Variants in CRTC3 observed in about 807,000 individuals in gnomAD.
The protein encoded by CRTC3 is CREB-regulated transcription coactivator 3.
Under a neutral mutation model 74.5 loss-of-function variants are expected in CRTC3, and 26 were observed. The observed-to-expected ratio is 0.35, with a 90% CI of 0.26 to 0.48. The LOEUF (loss-of-function observed/expected upper bound fraction) is 0.48. Among genes scored for constraint, CRTC3 ranks in the 20% least tolerant of loss-of-function variants. The probability of loss-of-function intolerance (pLI) is 0.99; values close to 1 mark genes in which losing one functional copy is unlikely to be tolerated. For missense variants in CRTC3, 760 were observed against 787.3 expected, an observed-to-expected ratio of 0.97 and a Z score of 0.41; for synonymous variants, 377 against 325.8, an observed-to-expected ratio of 1.16 and a Z score of -1.69.
At chr15:90,585,360 G>T (rs1031833037) in intron 2 of CRTC3, among the ~76,000 whole-genome samples, 3 of 152,132 alleles carry the variant, frequency 2.0e-5, no homozygotes, top group African/African-American at 7.2e-5. Flanking sequence ...GCCCAGGCTG[G>T]TCTCGAACTC....
chr15:90,605,730 A>C (rs1448334590), intron 5 of CRTC3, among the ~76,000 whole-genome samples: 1 of 152,144 alleles, frequency 6.6e-6, no homozygotes, highest in Non-Finnish European at 1.5e-5. Context: ...GTGGCTTCAT[A>C]GCCACCTGAG....
chr15:90,615,739 C>T (rs1283532190), intron 7 of CRTC3, among the ~76,000 whole-genome samples: 1 of 152,236 alleles, frequency 6.6e-6, no homozygotes, highest in Non-Finnish European at 1.5e-5. Flanking sequence ...TTCTTATAAC[C>T]AACCTCTTGT....
intron 3 of CRTC3, chr15:90,598,103 A>C (rs1283003926): frequency 3.7e-6 from 1 of 268,242 alleles, no homozygotes; most frequent in East Asian, 8.6e-5. Flanking sequence ...GGAAGGTCTC[A>C]GGCCTGCCCC....
intron 2 of CRTC3, among the ~76,000 whole-genome samples, chr15:90,569,978 GATCT>G (rs547995022): frequency 1.4e-4 from 21 of 152,112 alleles, no homozygotes. Flanking sequence ...AGTAAAATAT[GATCT>G]ATCAGCTCAG....
rs188062902 is a variant in CRTC3 at position 90,545,708 on chromosome 15, C to G, written c.231+5571C>G. ...TCTCCTGCCTCAGCCTCCCAAGTAG[C>G]TGGGACTACAGGCACCTGCCACCAC... is the stretch of plus-strand genomic sequence containing the variant. On this transcript the variant is annotated intron_variant, in intron 2 of 14. Coordinates refer to ENST00000268184, the MANE Select transcript of CRTC3 (RefSeq NM_022769.5). Among the ~76,000 whole-genome samples the G allele has an allele frequency of 3.6e-3, 544 of 152,024 alleles. 3 individuals carry two copies. The highest frequency in any genetic ancestry group is 0.012 in the African/African-American group (503 of 41,506).
intron 11 of CRTC3, 31 bp downstream of exon 11, chr15:90,629,563 A>G (rs1194607975): frequency 1.2e-6 from 2 of 1,605,916 alleles, no homozygotes; most frequent in African/African-American, 2.7e-5. Context: ...CAACCACTAC[A>G]GTGAAACAGA....
intron 9 of CRTC3, 64 bp from the exon 10 acceptor site, chr15:90,625,712 C>T: frequency 1.4e-6 from 2 of 1,413,072 alleles, no homozygotes; most frequent in Non-Finnish European, 2.0e-6. Context: ...AGGTTTCAGC[C>T]ATGTTTGGTT....
In CRTC3 at chr15:90,642,976, C is replaced by G. The variant is rs912558740; in HGVS notation, c.*836C>G. 4.3e-6 allele frequency: 1 copy of G among 232,752 alleles called. No homozygotes were observed. Among genetic ancestry groups the G allele is most frequent in the African/African-American group, 2.2e-5 (1 of 45,418 alleles). 14.4% of individuals were successfully genotyped at this position (232,752 alleles called of 1,614,324 possible). ...CTCCAGACAAGCACAGACCTCCCCA[C>G]TAAGAGCAGCCAGAGGGAGCTGGTG... On this transcript the variant is annotated 3_prime_UTR_variant, in exon 15 of 15. Coordinates refer to ENST00000268184, the MANE Select transcript of CRTC3 (RefSeq NM_022769.5).
In CRTC3 at chr15:90,530,231, GGCGGCC is replaced by G. The variant is rs780945415; in HGVS notation, c.132+29_132+34del. ...GAGGGCCCGGGCCGGCGCGGGCGGG[GGCGGCC>G]ACGGCCGCGGGCGGGACCCGCGCGG... is the stretch of plus-strand genomic sequence containing the variant. On this transcript the variant is annotated intron_variant, in intron 1 of 14. Transcript: ENST00000268184. This position sits in a 1 kb window ranked among gnomAD's most constrained non-coding sequence, Gnocchi z 6.2. 47 of 1,083,486 alleles carry G rather than the reference GGCGGCC, an allele frequency of 4.3e-5. 1 individual carries two copies. In the East Asian group the frequency reaches 2.3e-3, roughly 54 times the overall value. The allele number at this position is 1,083,486 out of a possible 1,614,324, so 67.1% of individuals were successfully genotyped here.
At chr15:90,639,667 C>T (rs1422944449) in intron 13 of CRTC3, among the ~76,000 whole-genome samples, 1 of 151,164 alleles carries the variant, frequency 6.6e-6, no homozygotes, top group South Asian at 2.1e-4. Context: ...CCAGGCTAAT[C>T]TTGAACTCCG....
intron 2 of CRTC3, among the ~76,000 whole-genome samples, chr15:90,543,257 G>A (rs1966833130): frequency 7.0e-6 from 1 of 143,650 alleles, no homozygotes; most frequent in African/African-American, 2.6e-5. Context: ...GCTCACATGG[G>A]GCCACAGTAC....
At chr15:90,612,067 T>TCCTCCTCCTCCTCCG (rs1567184130) in intron 6 of CRTC3, among the ~76,000 whole-genome samples, 3 of 42,880 alleles carry the variant, frequency 7.0e-5, no homozygotes, top group East Asian at 1.8e-3. Flanking sequence ...CGCCTCCACC[T>TCCTCCTCCTCCTCCG]CCTCCTCCTC....
At position 90,642,972 on chromosome 15, in the gene CRTC3, C is replaced by G; in HGVS notation, c.*832C>G. On this transcript the variant is annotated 3_prime_UTR_variant, in exon 15 of 15. Coordinates refer to ENST00000268184, the MANE Select transcript of CRTC3 (RefSeq NM_022769.5). ...CAAACTCCAGACAAGCACAGACCTC[C>G]CCACTAAGAGCAGCCAGAGGGAGCT... 2 of 232,770 alleles carry G rather than the reference C, an allele frequency of 8.6e-6. No homozygotes were observed. Among genetic ancestry groups the G allele is most frequent in the Non-Finnish European group, 1.7e-5 (2 of 117,746 alleles). The allele number at this position is 232,770 out of a possible 1,614,324, so 14.4% of individuals were successfully genotyped here.
chr15:90,610,836 AG>A (rs933109092), intron 6 of CRTC3, among the ~76,000 whole-genome samples: 41 of 152,224 alleles, frequency 2.7e-4, no homozygotes, highest in African/African-American at 9.6e-4. Context: ...TCTTCCTTTC[AG>A]GGAACAGTCT....
At chr15:90,592,799 A>C (rs1338363127) in intron 2 of CRTC3, among the ~76,000 whole-genome samples, 1 of 152,198 alleles carries the variant, frequency 6.6e-6, no homozygotes, top group Non-Finnish European at 1.5e-5. Flanking sequence ...TCCCATCTAC[A>C]GGGAGCAGCC....
At chr15:90,559,383 C>T (rs1393886642) in intron 2 of CRTC3, among the ~76,000 whole-genome samples, 1 of 152,198 alleles carries the variant, frequency 6.6e-6, no homozygotes, top group Admixed American at 6.5e-5. Context: ...AAGTATTCCA[C>T]TAGAGCAGCA....
chr15:90,552,150 G>C (rs1966860320), intron 2 of CRTC3, among the ~76,000 whole-genome samples: 1 of 152,264 alleles, frequency 6.6e-6, no homozygotes. Context: ...GTCTGTATTA[G>C]GCACAGGACA....
chr15:90,542,472 C>G (rs1212615055), intron 2 of CRTC3, among the ~76,000 whole-genome samples: 1 of 152,162 alleles, frequency 6.6e-6, no homozygotes, highest in African/African-American at 2.4e-5. Context: ...AACTACTGTG[C>G]CCTGCTGACA....
At chr15:90,554,504 A>G (rs1021674470) in intron 2 of CRTC3, among the ~76,000 whole-genome samples, 1 of 152,168 alleles carries the variant, frequency 6.6e-6, no homozygotes, top group African/African-American at 2.4e-5. Context: ...TGACCAGCCA[A>G]GGTATTTCCT....
Sources: allele counts gnomAD v4.1 joint callset (sites outside exome capture counted in the v4.1 genomes callset), GRCh38; gene constraint gnomAD v4.1.1; non-coding constraint Gnocchi (gnomAD v3.1); transcripts MANE v1.5; gene names NCBI Gene and HGNC (gene_info 2026-07-23, HGNC 2026-07-21).